SRFBP1: variants seen among roughly 807,000 people sequenced by gnomAD.
SRFBP1 encodes the protein serum response factor binding protein 1.
In SRFBP1, 47 loss-of-function variants were observed where a neutral mutation model predicts 45.5. That is an observed-to-expected ratio of 1.03 (90% CI 0.82 to 1.32). The LOEUF (loss-of-function observed/expected upper bound fraction) is 1.32. SRFBP1 is among the 40% of genes most tolerant of loss of function. SRFBP1 has a pLI of 0.00. For missense variants in SRFBP1, 621 were observed against 484.6 expected, an observed-to-expected ratio of 1.28 and a Z score of -2.64; for synonymous variants, 203 against 166.3, an observed-to-expected ratio of 1.22 and a Z score of -1.70.
intron 3 of SRFBP1, among the ~76,000 whole-genome samples, chr5:121,980,256 C>T (rs1017914689): frequency 6.6e-6 from 1 of 152,064 alleles, no homozygotes; most frequent in South Asian, 2.1e-4. Context: ...AATTGTAATA[C>T]TATAATATAA....
intron 2 of SRFBP1, among the ~76,000 whole-genome samples, chr5:122,072,817 T>C (rs1754488727): frequency 6.6e-6 from 1 of 152,192 alleles, no homozygotes; most frequent in African/African-American, 2.4e-5. Context: ...AGTGCTATAA[T>C]GTCTACAATC....
chr5:122,019,146 A>T (rs1753243860), intron 4 of SRFBP1, 114 bp from the exon 5 acceptor site: 2 of 813,090 alleles, frequency 2.5e-6, no homozygotes, highest in South Asian at 1.6e-5. Flanking sequence ...AATATTAACT[A>T]GTTCTATTCT....
intron 3 of SRFBP1, among the ~76,000 whole-genome samples, chr5:121,980,995 A>G (rs564129542): frequency 1.1e-4 from 17 of 152,278 alleles, no homozygotes; most frequent in Non-Finnish European, 2.1e-4. Context: ...CTTTGAAGAA[A>G]TGATAACTAC....
In SRFBP1 at chr5:121,972,800, T is replaced by A. The variant is rs561100182; in HGVS notation, c.37-1396T>A. ...ATTAATGGTTTTAGAAATTGAATAT[T>A]ATGAGTGATGACAAGGTTGACAGTG... On this transcript the variant is annotated intron_variant, in intron 1 of 7. Transcript: ENST00000339397. Among the ~76,000 whole-genome samples the A allele has an allele frequency of 2.1e-4, 32 of 151,872 alleles. No homozygotes were observed. The South Asian group carries it at 4.1e-3, about 20-fold the overall frequency.
chr5:122,008,806 T>A (rs555113989), intron 4 of SRFBP1, among the ~76,000 whole-genome samples: 47 of 152,142 alleles, frequency 3.1e-4, no homozygotes, highest in African/African-American at 1.1e-3. Flanking sequence ...GAAAGTGGAG[T>A]TACTTGGTTA....
At chr5:121,975,227 C>G (rs1752278179) in intron 2 of SRFBP1, 88 bp from the exon 3 acceptor site, 1 of 1,337,278 alleles carries the variant, frequency 7.5e-7, no homozygotes. Flanking sequence ...TTACGCTTTT[C>G]TAAAAAGAAA....
chr5:121,996,851 G>A (rs1752738104), intron 4 of SRFBP1, among the ~76,000 whole-genome samples: 1 of 146,162 alleles, frequency 6.8e-6, no homozygotes, highest in African/African-American at 2.7e-5. Context: ...AAAATCACAA[G>A]CATTCTTATA....
Position 122,020,704 on chromosome 5 carries a change from T to C in SRFBP1, c.969T>C (p.His323=), listed in dbSNP as rs759324645. 7 of 1,613,538 alleles carry C rather than the reference T, an allele frequency of 4.3e-6. No homozygotes were observed. Among genetic ancestry groups the C allele is most frequent in the East Asian group, 2.2e-5 (1 of 44,830 alleles). ...VFLKEDTGET[H]GDTRNDKIKP... is the part of the protein sequence containing the mutation. ...TTAAAGAAGATACAGGTGAAACTCA[T>C]GGGGATACAAGAAATGACAAAATCA... The change falls in exon 6 of 8, where the codon CAT becomes CAC. Residue 323 remains histidine (H), a synonymous_variant. Coordinates refer to ENST00000339397, the MANE Select transcript of SRFBP1 (RefSeq NM_152546.3).
chr5:122,025,414 A>G (rs909723299), intron 7 of SRFBP1, among the ~76,000 whole-genome samples: 11 of 152,332 alleles, frequency 7.2e-5, no homozygotes, highest in African/African-American at 2.6e-4. Context: ...TAGTGCCGCA[A>G]TAAACATACG....
chr5:121,990,480 C>A (rs1341381784), intron 3 of SRFBP1, among the ~76,000 whole-genome samples: 6 of 152,132 alleles, frequency 3.9e-5, no homozygotes, highest in African/African-American at 1.4e-4. Flanking sequence ...GTACTATCCT[C>A]ACTATCAGCA....
At chr5:122,076,842 G>T (rs1754651357), downstream of SRFBP1, 2 of 1,509,016 alleles carry the variant, frequency 1.3e-6, no homozygotes, top group South Asian at 1.1e-5. Context: ...GCACCAGAGC[G>T]CCCCCTGAAG....
At chr5:122,046,138 C>T (rs558419754) in intron 2 of SRFBP1, among the ~76,000 whole-genome samples, 11 of 152,142 alleles carry the variant, frequency 7.2e-5, no homozygotes, top group African/African-American at 2.4e-4. Context: ...TGTTGGTGTG[C>T]TGCACCCATT....
intron 2 of SRFBP1, among the ~76,000 whole-genome samples, chr5:122,058,365 T>C (rs531073976): frequency 6.6e-6 from 1 of 152,312 alleles, no homozygotes; most frequent in South Asian, 2.1e-4. Flanking sequence ...CATAATTAGT[T>C]TTTTGGATTT....
At chr5:122,039,215 G>A (rs867010328) in intron 2 of SRFBP1, among the ~76,000 whole-genome samples, 17 of 152,154 alleles carry the variant, frequency 1.1e-4, no homozygotes, top group Middle Eastern at 3.2e-3. Context: ...AATATGCTGG[G>A]CCTGGTGGCA....
At chr5:122,003,482 T>C (rs1231804573) in intron 4 of SRFBP1, among the ~76,000 whole-genome samples, 2 of 152,212 alleles carry the variant, frequency 1.3e-5, no homozygotes, top group South Asian at 2.1e-4. Context: ...TTTGTTTTTA[T>C]TTTTTGAGAT....
intron 4 of SRFBP1, among the ~76,000 whole-genome samples, chr5:122,018,269 GA>G (rs1294121595): frequency 6.6e-6 from 1 of 152,178 alleles, no homozygotes; most frequent in Non-Finnish European, 1.5e-5. Context: ...TGACTGTTGA[GA>G]GAGCAAGTTG....
intron 2 of SRFBP1, among the ~76,000 whole-genome samples, chr5:122,040,682 A>G (rs553102842): frequency 1.3e-5 from 2 of 152,300 alleles, no homozygotes; most frequent in East Asian, 1.9e-4. Flanking sequence ...GGCACCAGCT[A>G]TGATAAAGGA....
Position 122,075,484 on chromosome 5 carries a change from G to A in SRFBP1, n.481G>A. On this transcript the variant is annotated non_coding_transcript_exon_variant, in exon 3 of 3. Coordinates refer to the SRFBP1 transcript ENST00000504881. ...ATGTCCCTTGGTTTTTCACTCTTTGGGGAAATCTGAGCAGCACCCTGTGAT... is the reference window on the plus strand; with the variant it reads ...ATGTCCCTTGGTTTTTCACTCTTTGAGGAAATCTGAGCAGCACCCTGTGAT... 6.2e-7 allele frequency: 1 copy of A among 1,613,424 alleles called. No homozygotes were observed. The highest frequency in any genetic ancestry group is 1.1e-5 in the South Asian group (1 of 91,028).
At chr5:121,981,689 C>G (rs1428622035) in intron 3 of SRFBP1, among the ~76,000 whole-genome samples, 1 of 151,734 alleles carries the variant, frequency 6.6e-6, no homozygotes, top group East Asian at 1.9e-4. Context: ...CCTTCAACAC[C>G]TAATTCTTAT....
Sources: gnomAD v4.1 joint callset for allele counts (sites outside exome capture counted in the v4.1 genomes callset) on GRCh38, gnomAD v4.1.1 for gene constraint, MANE v1.5 for transcripts, NCBI Gene and HGNC (gene_info 2026-07-23, HGNC 2026-07-21) for gene names.